RIGI: variants seen among roughly 807,000 people sequenced by gnomAD.
RIGI encodes antiviral innate immune response receptor RIG-I.
the RIGI span, chr9:32,488,661 C>A: frequency 7.1e-7 from 1 of 1,417,442 alleles, no homozygotes; most frequent in South Asian, 1.7e-5. Context: ...AATCATTTGT[C>A]AAAAACAAAA....
At chr9:32,497,079 CA>C in the RIGI span, among the ~76,000 whole-genome samples, 1 of 151,750 alleles carries the variant, frequency 6.6e-6, no homozygotes, top group Non-Finnish European at 1.5e-5. Context: ...TCTATTTCTA[CA>C]AAAAAAATGC....
chr9:32,461,769 A>C, the RIGI span, among the ~76,000 whole-genome samples: 1 of 152,192 alleles, frequency 6.6e-6, no homozygotes, highest in Non-Finnish European at 1.5e-5. Flanking sequence ...TTGCCTTATC[A>C]ATACGAAACT....
chr9:32,472,829 T>C, the RIGI span: 6 of 370,348 alleles, frequency 1.6e-5, no homozygotes, highest in Non-Finnish European at 2.6e-5. Context: ...CCTTGACTGA[T>C]AGAAGCATTA....
the RIGI span, among the ~76,000 whole-genome samples, chr9:32,465,239 A>T: frequency 2.0e-5 from 3 of 152,216 alleles, no homozygotes; most frequent in Non-Finnish European, 4.4e-5. Context: ...GTGGTTCTAG[A>T]TAACTTAATC....
chr9:32,476,917 C>A, the RIGI span: 1 of 1,394,154 alleles, frequency 7.2e-7, no homozygotes, highest in South Asian at 1.3e-5. Context: ...ACACCATACC[C>A]AGCCCAATCT....
At chr9:32,472,056 G>A in the RIGI span, among the ~76,000 whole-genome samples, 2 of 152,110 alleles carry the variant, frequency 1.3e-5, no homozygotes, top group South Asian at 2.1e-4. Flanking sequence ...GGATGAGGGC[G>A]GGCCACCTAG....
the RIGI span, among the ~76,000 whole-genome samples, chr9:32,458,626 A>AT: frequency 8.6e-4 from 131 of 152,268 alleles, no homozygotes; most frequent in African/African-American, 2.7e-3. Context: ...AAACTTCATA[A>AT]TTTTTTAAAA....
chr9:32,517,441 G>A, the RIGI span, among the ~76,000 whole-genome samples: 1 of 152,084 alleles, frequency 6.6e-6, no homozygotes, highest in Non-Finnish European at 1.5e-5. Flanking sequence ...CTACCAAATT[G>A]GCTTATAAAT....
chr9:32,509,555 G>A, the RIGI span, among the ~76,000 whole-genome samples: 417 of 152,162 alleles, frequency 2.7e-3, 3 homozygotes, highest in African/African-American at 9.7e-3. Context: ...CAATATCAAC[G>A]AAAAGGACAT....
At chr9:32,489,381 A>G in the RIGI span, 9 of 1,613,326 alleles carry the variant, frequency 5.6e-6, no homozygotes, top group Non-Finnish European at 7.6e-6. Context: ...TTCCTTTCAT[A>G]GCAGGCAAAG....
the RIGI span, among the ~76,000 whole-genome samples, chr9:32,506,959 C>T: frequency 2.0e-5 from 3 of 152,124 alleles, no homozygotes; most frequent in Admixed American, 1.3e-4. Context: ...GGCTGATTGC[C>T]GTGCTTACTT....
the RIGI span, among the ~76,000 whole-genome samples, chr9:32,466,750 A>G: frequency 6.6e-6 from 1 of 150,926 alleles, no homozygotes; most frequent in Non-Finnish European, 1.5e-5. Context: ...TGCATGTTAA[A>G]TATGTGGAAA....
chr9:32,498,477 T>C, the RIGI span: 3 of 411,458 alleles, frequency 7.3e-6, no homozygotes, highest in Admixed American at 5.1e-5. Flanking sequence ...ATGGCCACCA[T>C]GCAGACTGCA....
At chr9:32,513,886 G>T in the RIGI span, among the ~76,000 whole-genome samples, 1 of 150,812 alleles carries the variant, frequency 6.6e-6, no homozygotes, top group African/African-American at 2.4e-5. Flanking sequence ...TTAAAAGAAA[G>T]AAACAACCCC....
At chr9:32,525,064 C>T in the RIGI span, among the ~76,000 whole-genome samples, 1 of 152,136 alleles carries the variant, frequency 6.6e-6, no homozygotes, top group African/African-American at 2.4e-5. Context: ...AAATCTAGCA[C>T]CTATTGTTCA....
At chr9:32,505,813 G>A in the RIGI span, among the ~76,000 whole-genome samples, 16 of 152,190 alleles carry the variant, frequency 1.1e-4, no homozygotes, top group African/African-American at 3.9e-4. Flanking sequence ...CCTTTAACAC[G>A]AAACTAAAAT....
chr9:32,488,930 T>C, the RIGI span: 1 of 1,522,780 alleles, frequency 6.6e-7, no homozygotes, highest in African/African-American at 1.4e-5. Context: ...AACTCATATA[T>C]TAGATATTTC....
At chr9:32,487,371 CAG>C in the RIGI span, 2,874 of 1,181,962 alleles carry the variant, frequency 2.4e-3, 55 homozygotes, top group African/African-American at 0.038. Context: ...TTCTACTAAA[CAG>C]AGAGAGGGTC....
chr9:32,462,216 A>G, the RIGI span, among the ~76,000 whole-genome samples: 1 of 152,126 alleles, frequency 6.6e-6, no homozygotes, highest in Non-Finnish European at 1.5e-5. Context: ...ATGTAAGTAA[A>G]GCATTTGCAG....
Sources: allele counts gnomAD v4.1 joint callset (sites outside exome capture counted in the v4.1 genomes callset), GRCh38; gene constraint gnomAD v4.1.1; transcripts MANE v1.5; gene names NCBI Gene and HGNC (gene_info 2026-07-23, HGNC 2026-07-21).